UGT1A8: variants seen among roughly 807,000 people sequenced by gnomAD.
The protein encoded by UGT1A8 is UDP-glucuronosyltransferase 1A8.
In UGT1A8, 39 loss-of-function variants were observed where a neutral mutation model predicts 45.3. The ratio of observed to expected loss-of-function variants is 0.86; its 90% CI spans 0.67 to 1.12. The LOEUF is 1.12. UGT1A8 is among the 50% of genes most tolerant of loss of function. The pLI, the probability that UGT1A8 is intolerant of heterozygous loss-of-function variation, is 0.00. For synonymous variants in UGT1A8, 275 were observed against 249.2 expected (o/e 1.10, Z -0.97); for missense variants, 719 against 664.9 (o/e 1.08, Z -0.90).
At chr2:233,754,769 C>T in intron 1 of UGT1A8, 4 of 1,026,872 alleles carry the variant, frequency 3.9e-6, no homozygotes, top group Non-Finnish European at 5.4e-6. Context: ...CCCCACTTCC[C>T]AGGGAGCCAA....
intron 1 of UGT1A8, among the ~76,000 whole-genome samples, chr2:233,635,542 C>A (rs1259772720): frequency 1.3e-5 from 2 of 150,730 alleles, no homozygotes; most frequent in Non-Finnish European, 2.9e-5. Flanking sequence ...GCCCATGACC[C>A]AAACACCTCC....
chr2:233,681,362 C>T (rs1380468545), intron 1 of UGT1A8, among the ~76,000 whole-genome samples: 2 of 151,664 alleles, frequency 1.3e-5, no homozygotes, highest in Non-Finnish European at 2.9e-5. Flanking sequence ...GGTGAAACCC[C>T]GTCTCCACTA....
intron 1 of UGT1A8, among the ~76,000 whole-genome samples, chr2:233,766,257 A>AGTGGCCCGGGCTCG (rs36213637): frequency 2.6e-5 from 4 of 151,512 alleles, no homozygotes; most frequent in African/African-American, 4.9e-5. Context: ...CAGACCGCTC[A>AGTGGCCCGGGCTCG]GTGGCCCGGG....
chr2:233,701,384 C>T (rs558029810), intron 1 of UGT1A8, among the ~76,000 whole-genome samples: 5 of 152,108 alleles, frequency 3.3e-5, no homozygotes, highest in Non-Finnish European at 7.4e-5. Context: ...GACTCCCACA[C>T]AATAATAGTG....
At chr2:233,714,248 G>C (rs1260479337) in intron 1 of UGT1A8, among the ~76,000 whole-genome samples, 1 of 152,160 alleles carries the variant, frequency 6.6e-6, no homozygotes, top group Non-Finnish European at 1.5e-5. Flanking sequence ...AAGGAGGAAG[G>C]AATAGAAATT....
intron 1 of UGT1A8, among the ~76,000 whole-genome samples, chr2:233,650,784 A>G (rs1258224164): frequency 6.6e-6 from 1 of 152,166 alleles, no homozygotes; most frequent in Non-Finnish European, 1.5e-5. Context: ...TCCTATTCAG[A>G]CATGTTTTAA....
chr2:233,712,339 T>C (rs545397552), intron 1 of UGT1A8, among the ~76,000 whole-genome samples: 1 of 152,174 alleles, frequency 6.6e-6, no homozygotes, highest in African/African-American at 2.4e-5. Context: ...AATCTGATCA[T>C]CACATCTTGA....
intron 1 of UGT1A8, among the ~76,000 whole-genome samples, chr2:233,684,710 T>C (rs999519282): frequency 2.5e-4 from 38 of 152,122 alleles, no homozygotes; most frequent in African/African-American, 8.9e-4. Context: ...TATGTATTAA[T>C]GTATATATTT....
At chr2:233,734,548 T>C (rs1157329537) in intron 1 of UGT1A8, among the ~76,000 whole-genome samples, 1 of 152,212 alleles carries the variant, frequency 6.6e-6, no homozygotes, top group Non-Finnish European at 1.5e-5. Context: ...TTTCTTCCCT[T>C]CTGCTAGCTT....
intron 1 of UGT1A8, among the ~76,000 whole-genome samples, chr2:233,715,186 A>G (rs959618310): frequency 6.6e-6 from 1 of 152,160 alleles, no homozygotes; most frequent in Non-Finnish European, 1.5e-5. Context: ...ACACCTAGGC[A>G]ATTTTTCTAT....
intron 1 of UGT1A8, among the ~76,000 whole-genome samples, chr2:233,652,034 G>C (rs1050709803): frequency 1.3e-5 from 2 of 151,960 alleles, no homozygotes; most frequent in Admixed American, 6.5e-5. Flanking sequence ...TTTAGTTTTT[G>C]GTGAGTTCCA....
intron 1 of UGT1A8, among the ~76,000 whole-genome samples, chr2:233,637,711 A>G (rs2073339166): frequency 6.6e-6 from 1 of 152,168 alleles, no homozygotes; most frequent in Non-Finnish European, 1.5e-5. Flanking sequence ...AAATGCTCTT[A>G]AGTTTTGTGT....
chr2:233,718,957 A>T, intron 1 of UGT1A8: 1 of 1,614,184 alleles, frequency 6.2e-7, no homozygotes, highest in South Asian at 1.1e-5. Context: ...AGCATGCGGG[A>T]GGCCTTGCGG....
chr2:233,664,543 T>C (rs1206446534), intron 1 of UGT1A8, among the ~76,000 whole-genome samples: 2 of 152,212 alleles, frequency 1.3e-5, no homozygotes, highest in African/African-American at 4.8e-5. Flanking sequence ...TGGGGAAGCC[T>C]CAGGGAGTGT....
At position 233,729,418 on chromosome 2, in the gene UGT1A8, C is replaced by G. The variant is rs767075573; in HGVS notation, c.856-37616C>G. 8.1e-6 allele frequency: 13 copies of G among 1,613,638 alleles called. No individual in the cohort carries two copies. In the African/African-American group the frequency reaches 1.5e-4, roughly 18 times the overall value. The stretch of plus-strand genomic sequence containing the variant: ...TGATCGCCATGTGCTGGGCCACACT[C>G]AACTGTACTTTGAAACAGAACATTT... On this transcript the variant is annotated intron_variant, in intron 1 of 4. Coordinates refer to ENST00000373450, the MANE Select transcript of UGT1A8 (RefSeq NM_019076.5).
At chr2:233,692,660 C>T (rs1455242812) in intron 1 of UGT1A8, among the ~76,000 whole-genome samples, 4 of 152,146 alleles carry the variant, frequency 2.6e-5, no homozygotes, top group East Asian at 1.9e-4. Context: ...CCAGCAAGTT[C>T]GGGATAGAGA....
chr2:233,752,046 G>A (rs1694879405), intron 1 of UGT1A8, among the ~76,000 whole-genome samples: 1 of 152,240 alleles, frequency 6.6e-6, no homozygotes, highest in African/African-American at 2.4e-5. Flanking sequence ...AAGCTGTTGT[G>A]TGAATGATTT....
intron 1 of UGT1A8, among the ~76,000 whole-genome samples, chr2:233,725,499 G>A (rs1219431340): frequency 6.6e-6 from 1 of 151,906 alleles, no homozygotes; most frequent in African/African-American, 2.4e-5. Flanking sequence ...AGAAACCACT[G>A]AAATTAATTT....
chr2:233,767,304 G>T, intron 2 of UGT1A8, 139 bp downstream of exon 2: 23 of 1,525,164 alleles, frequency 1.5e-5, no homozygotes, highest in South Asian at 2.6e-5. Context: ...TTAATCCAAA[G>T]GTTTTTTTTG....
Sources: allele counts gnomAD v4.1 joint callset (sites outside exome capture counted in the v4.1 genomes callset), GRCh38; gene constraint gnomAD v4.1.1; transcripts MANE v1.5; gene names NCBI Gene and HGNC (gene_info 2026-07-23, HGNC 2026-07-21).